Variants in EXT2 observed in about 807,000 individuals in gnomAD.
The protein encoded by EXT2 is exostosin-2.
EXT2 carries 53 observed loss-of-function variants against 81.6 expected under a neutral mutation model. The ratio of observed to expected loss-of-function variants is 0.65; its 90% CI spans 0.52 to 0.82. The LOEUF is 0.82. Among genes scored for constraint, EXT2 ranks in the 40% least tolerant of loss-of-function variants. EXT2 has a pLI of 0.00. For missense variants in EXT2, 774 were observed against 910.2 expected (o/e 0.85, Z 1.93); for synonymous variants, 320 against 340.0 (o/e 0.94, Z 0.65).
intron 4 of EXT2, among the ~76,000 whole-genome samples, chr11:44,119,124 T>TTTTATATATATA (rs1555004226): frequency 9.4e-4 from 24 of 25,626 alleles, no homozygotes; most frequent in South Asian, 2.1e-3. Context: ...ATTTGGCTAT[T>TTTTATATATATA]TATATATATA....
At chr11:44,205,142 G>C (rs1182800477) in intron 9 of EXT2, among the ~76,000 whole-genome samples, 4 of 152,142 alleles carry the variant, frequency 2.6e-5, no homozygotes, top group Admixed American at 1.3e-4. Context: ...TAACCTCTCT[G>C]AGCCATGAAA....
rs570818593 is a variant in EXT2, at chr11:44,206,019, C to T, written c.1496-774C>T. ...TAGAATGGGAAAAAAATGTAAGGCA[C>T]GTCATGGGTTGGTGTTTCTTCAGTA... On this transcript the variant is annotated intron_variant, in intron 9 of 13. Transcript: ENST00000533608. 1.8e-3 allele frequency among the ~76,000 whole-genome samples: 276 copies of T among 152,140 alleles called. 2 individuals carry two copies. The highest frequency in any genetic ancestry group is 3.4e-3 in the Middle Eastern group (1 of 294).
intron 7 of EXT2, among the ~76,000 whole-genome samples, chr11:44,163,939 C>T (rs1954959549): frequency 6.6e-6 from 1 of 152,156 alleles, no homozygotes; most frequent in Admixed American, 6.5e-5. Context: ...CCTTGTTCTC[C>T]ACTTCCCCCT....
intron 8 of EXT2, among the ~76,000 whole-genome samples, chr11:44,178,191 G>T (rs1188083312): frequency 6.6e-6 from 1 of 152,206 alleles, no homozygotes; most frequent in Admixed American, 6.5e-5. Flanking sequence ...TCTTTAGTAG[G>T]CATCAGAATA....
Position 44,126,882 on chromosome 11 carries a change from C to G in EXT2, c.1006C>G (p.Gln336Glu). 2 of 1,614,212 alleles carry G rather than the reference C, an allele frequency of 1.2e-6. No individual in the cohort carries two copies. The highest frequency in any genetic ancestry group is 1.7e-6 in the Non-Finnish European group (2 of 1,180,040). The part of the protein sequence containing the change: ...LGQAVLSDVL[Q>E]AGCVPVVIAD... ...CCAGGCAGTATTGAGCGATGTGTTA[C>G]AAGCTGGCTGTGTCCCGGTTGTCAT... Residue 336 changes from glutamine (Q) to glutamate (E), a missense_variant, in exon 6 of 14, where the codon CAA (glutamine) becomes GAA (glutamate). By Grantham distance (29) the Gln-to-Glu change is conservative. Coordinates refer to ENST00000533608, the MANE Select transcript of EXT2 (RefSeq NM_207122.2).
intron 7 of EXT2, among the ~76,000 whole-genome samples, chr11:44,157,619 G>A (rs551026862): frequency 1.3e-5 from 2 of 152,288 alleles, no homozygotes; most frequent in South Asian, 2.1e-4. Flanking sequence ...CGCTCCCTTC[G>A]GGGCAGCAGT....
chr11:44,248,631 A>AT lies in EXT2; in HGVS notation c.*4348dup, dbSNP rs1956115063. 6.6e-6 allele frequency among the ~76,000 whole-genome samples: 1 copy of AT among 152,134 alleles called. No homozygotes were observed. Among genetic ancestry groups the AT allele is most frequent in the African/African-American group, 2.4e-5 (1 of 41,436 alleles). On this transcript the variant is annotated 3_prime_UTR_variant, in exon 14 of 14. Transcript: ENST00000533608. ...CTCTAAATTTTAATGTTTCCCCCTCATTTTAGGGTGGGAGCTGTGAGTTCA... is the reference window on the plus strand; with the variant it reads ...CTCTAAATTTTAATGTTTCCCCCTCATTTTTAGGGTGGGAGCTGTGAGTTCA...
chr11:44,171,908 C>A, intron 8 of EXT2, 166 bp downstream of exon 8: 1 of 983,750 alleles, frequency 1.0e-6, no homozygotes, highest in Non-Finnish European at 1.5e-6. Flanking sequence ...TTTTGAAACA[C>A]TGACAAAAGT....
At chr11:44,227,354 C>T (rs1564984478) in intron 10 of EXT2, among the ~76,000 whole-genome samples, 1 of 152,214 alleles carries the variant, frequency 6.6e-6, no homozygotes, top group African/African-American at 2.4e-5. Flanking sequence ...CAACTTGAAA[C>T]AGATCACAAT....
chr11:44,126,259 A>G (rs2135018965), intron 5 of EXT2, among the ~76,000 whole-genome samples: 1 of 152,356 alleles, frequency 6.6e-6, no homozygotes, highest in South Asian at 2.1e-4. Flanking sequence ...ATTAGTCTTA[A>G]TATCTTTTCA....
chr11:44,148,538 C>G (rs1018534149), intron 7 of EXT2, among the ~76,000 whole-genome samples: 4 of 152,156 alleles, frequency 2.6e-5, no homozygotes, highest in African/African-American at 9.7e-5. Context: ...AAAGCAGGAC[C>G]AGTAAACCCC....
intron 1 of EXT2, among the ~76,000 whole-genome samples, chr11:44,098,290 T>A (rs1458740634): frequency 1.3e-5 from 2 of 152,172 alleles, no homozygotes; most frequent in Non-Finnish European, 2.9e-5. Context: ...GAGGATTGGT[T>A]CTGTGTGTTA....
At chr11:44,217,611 G>C (rs1240887642) in intron 10 of EXT2, among the ~76,000 whole-genome samples, 2 of 152,128 alleles carry the variant, frequency 1.3e-5, no homozygotes, top group African/African-American at 4.8e-5. Context: ...AGTATCTATT[G>C]AGTTCTTGAT....
intron 10 of EXT2, among the ~76,000 whole-genome samples, chr11:44,218,928 G>T (rs12365684): frequency 6.7e-6 from 1 of 149,482 alleles, no homozygotes; most frequent in Non-Finnish European, 1.5e-5. Flanking sequence ...CTCCCGAGTA[G>T]CTGGGATTAC....
intron 7 of EXT2, among the ~76,000 whole-genome samples, chr11:44,155,521 T>C (rs1005531762): frequency 4.6e-5 from 7 of 152,072 alleles, no homozygotes; most frequent in African/African-American, 1.7e-4. Flanking sequence ...AAGGTTACCA[T>C]GAGGCTTACA....
intron 8 of EXT2, among the ~76,000 whole-genome samples, chr11:44,188,140 G>A (rs1415387171): frequency 1.3e-5 from 2 of 152,218 alleles, no homozygotes; most frequent in African/African-American, 2.4e-5. Context: ...TGCTGAGCTG[G>A]CAGGAAAGTA....
chr11:44,185,213 C>A (rs898819158), intron 8 of EXT2, among the ~76,000 whole-genome samples: 4 of 152,216 alleles, frequency 2.6e-5, no homozygotes, highest in Admixed American at 2.6e-4. Context: ...GCGTTAAAAC[C>A]AACTACATTG....
intron 6 of EXT2, among the ~76,000 whole-genome samples, chr11:44,129,403 CCTT>C (rs1954456746): frequency 6.6e-6 from 1 of 152,198 alleles, no homozygotes; most frequent in Admixed American, 6.5e-5. Flanking sequence ...TTATTCTCTG[CCTT>C]CTTTACTCTG....
rs565467983 is a variant in EXT2, at chr11:44,247,186, G to C, written c.*2899G>C. Among the ~76,000 whole-genome samples, 1 of 151,394 alleles carries C rather than the reference G, an allele frequency of 6.6e-6. No individual in the cohort carries two copies. The highest frequency in any genetic ancestry group is 6.6e-5 in the Admixed American group (1 of 15,250). ...TCTGGGAGAATTAAAGAGAAAAACAGCAACTTTAGTTGTCAGAATCTTGTG... is the reference window on the plus strand; with the variant it reads ...TCTGGGAGAATTAAAGAGAAAAACACCAACTTTAGTTGTCAGAATCTTGTG... On this transcript the variant is annotated 3_prime_UTR_variant, in exon 14 of 14. Transcript: ENST00000533608.
Sources: gnomAD v4.1 joint callset for allele counts (sites outside exome capture counted in the v4.1 genomes callset) on GRCh38, gnomAD v4.1.1 for gene constraint, MANE v1.5 for transcripts, NCBI Gene and HGNC (gene_info 2026-07-23, HGNC 2026-07-21) for gene names.